The following HEATR5B variants were observed in gnomAD, a reference collection of about 807,000 sequenced individuals.
The protein encoded by HEATR5B is HEAT repeat containing 5B.
In HEATR5B, 156 loss-of-function variants were observed where a neutral mutation model predicts 224.1. That is an observed-to-expected ratio of 0.70 (90% confidence interval 0.61 to 0.80). The LOEUF (loss-of-function observed/expected upper bound fraction) is 0.80. HEATR5B is among the 30% of genes least tolerant of loss of function. The pLI, the probability that HEATR5B is intolerant of heterozygous loss-of-function variation, is 0.00. For missense variants in HEATR5B, 2,323 were observed against 2,535.5 expected, an observed-to-expected ratio of 0.92 and a Z score of 1.80; for synonymous variants, 1,027 against 893.0, an observed-to-expected ratio of 1.15 and a Z score of -2.68.
Position 37,041,303 on chromosome 2 carries a change from G to C in HEATR5B, c.2697-11C>G. 4.3e-6 allele frequency: 7 copies of C among 1,612,676 alleles called. No homozygotes were observed. The highest frequency in any genetic ancestry group is 5.1e-6 in the Non-Finnish European group (6 of 1,179,034). On this transcript the variant is annotated splice_polypyrimidine_tract_variant and intron_variant, in intron 18 of 35. Transcript: ENST00000233099. ...CGAGCCGATTTCAACCTGAAAAAAAGATTATGCTTCAAGCACTAACTTTGC... is the reference window on the plus strand; with the variant it reads ...CGAGCCGATTTCAACCTGAAAAAAACATTATGCTTCAAGCACTAACTTTGC...
chr2:37,060,843 T>A, intron 11 of HEATR5B, 110 bp from the exon 12 acceptor site: 1 of 765,334 alleles, frequency 1.3e-6, no homozygotes, highest in Non-Finnish European at 2.1e-6. Context: ...GAGATGAAAA[T>A]AGAGTAAAAT....
chr2:37,063,033 A>C (rs868039069), intron 10 of HEATR5B, among the ~76,000 whole-genome samples: 1 of 152,168 alleles, frequency 6.6e-6, no homozygotes, highest in African/African-American at 2.4e-5. Flanking sequence ...CTTCTGACCT[A>C]AAGTGATCCT....
intron 26 of HEATR5B, 44 bp from the exon 27 acceptor site, chr2:37,014,064 T>C (rs1325121797): frequency 8.6e-7 from 1 of 1,163,678 alleles, no homozygotes; most frequent in Non-Finnish European, 1.2e-6. Flanking sequence ...AAAAAATTAA[T>C]GCTGTATAAG....
chr2:37,000,482 G>T, intron 33 of HEATR5B, 104 bp downstream of exon 33: 2 of 814,352 alleles, frequency 2.5e-6, no homozygotes, highest in South Asian at 1.6e-5. Context: ...TCTCTGAGAT[G>T]ATTCATTGTT....
chr2:37,083,588 T>C (rs1437022211), intron 1 of HEATR5B, among the ~76,000 whole-genome samples, 152 bp from the exon 2 acceptor site: 2 of 152,164 alleles, frequency 1.3e-5, no homozygotes, highest in Non-Finnish European at 2.9e-5. Context: ...AACATACTTT[T>C]AAATGACAAA....
chr2:37,013,801 G>A, intron 27 of HEATR5B, 40 bp downstream of exon 27: 1 of 1,475,650 alleles, frequency 6.8e-7, no homozygotes, highest in Non-Finnish European at 9.1e-7. Flanking sequence ...CATGGATGAA[G>A]AAATGGGTCA....
At chr2:37,046,867 T>C (rs1243598655) in intron 18 of HEATR5B, among the ~76,000 whole-genome samples, 2 of 151,208 alleles carry the variant, frequency 1.3e-5, no homozygotes, top group East Asian at 3.9e-4. Flanking sequence ...CTGGCCAACA[T>C]GGTGAAACGT....
At chr2:37,006,186 T>A (rs190932775) in intron 29 of HEATR5B, among the ~76,000 whole-genome samples, 1 of 152,324 alleles carries the variant, frequency 6.6e-6, no homozygotes, top group Non-Finnish European at 1.5e-5. Flanking sequence ...AACAACTGCT[T>A]TTAATTTACA....
In HEATR5B at chr2:37,056,132, T is replaced by G. The variant is rs572883430; in HGVS notation, c.2399+308A>C. Among the ~76,000 whole-genome samples the G allele has an allele frequency of 1.9e-3, 289 of 152,318 alleles. 10 individuals carry two copies. In the South Asian group the frequency reaches 0.056, roughly 29 times the overall value. ...AAACAAACTATTATAATGCATTTTT[T>G]TTTTTGCCAACAGTTGTCATTCTAG... On this transcript the variant is annotated intron_variant, in intron 16 of 35. Coordinates refer to ENST00000233099, the MANE Select transcript of HEATR5B (RefSeq NM_019024.3).
At chr2:37,076,834 A>C in intron 4 of HEATR5B, 77 bp downstream of exon 4, 1 of 1,106,464 alleles carries the variant, frequency 9.0e-7, no homozygotes, top group Non-Finnish European at 1.4e-6. Flanking sequence ...TGACAGAAAA[A>C]GAAACAAACA....
chr2:37,076,285 A>AC (rs1419561052), intron 4 of HEATR5B: 37 of 152,442 alleles, frequency 2.4e-4, no homozygotes, highest in African/African-American at 8.7e-4. Flanking sequence ...ATGAATAGAC[A>AC]AATAGTTCCC....
At chr2:37,009,188 G>A (rs1430010077) in intron 27 of HEATR5B, among the ~76,000 whole-genome samples, 3 of 149,654 alleles carry the variant, frequency 2.0e-5, no homozygotes, top group Non-Finnish European at 3.0e-5. Flanking sequence ...AACCAGGGAG[G>A]CGGAGGTTGC....
At chr2:37,005,236 C>G (rs781728585) in intron 30 of HEATR5B, among the ~76,000 whole-genome samples, 1 of 152,158 alleles carries the variant, frequency 6.6e-6, no homozygotes, top group African/African-American at 2.4e-5. Flanking sequence ...GAGGAAAACC[C>G]GTCCCGCATG....
chr2:37,047,415 G>T (rs565039857), intron 18 of HEATR5B, among the ~76,000 whole-genome samples: 1 of 152,144 alleles, frequency 6.6e-6, no homozygotes, highest in African/African-American at 2.4e-5. Context: ...AGTTACCTTT[G>T]TGTTATTATT....
chr2:36,990,673 T>A lies in HEATR5B; in HGVS notation c.5672A>T (p.Asn1891Ile). 1 of 1,600,970 alleles carries A rather than the reference T, an allele frequency of 6.2e-7. No homozygotes were observed. Among genetic ancestry groups the A allele is most frequent in the Non-Finnish European group, 8.5e-7 (1 of 1,173,830 alleles). ...LQNGCMNRFK[N>I]ALNSCDPWVQ... ...CCATGGGTCGCATGAATTTAATGCA[T>A]TTTTAAATCTGTTCATGCAGCCATT... is the stretch of plus-strand genomic sequence containing the variant. The change falls in exon 34 of 36, where the codon AAT (asparagine) becomes ATT (isoleucine). Residue 1891 changes from asparagine to isoleucine, a missense_variant. Asn to Ile is a moderately radical substitution (Grantham distance 149). Around this residue, in one of 12 missense-constraint regions of HEATR5B, gnomAD observed 844 missense variants for 812.9 expected, o/e 1.04. Transcript: ENST00000233099.
chr2:37,020,682 A>T lies in HEATR5B; in HGVS notation c.4008T>A (p.His1336Gln). Reference sequence around the variant, plus strand: ...TAGCCTGATACTGCTCCAGTATCACATGACCTGGAAATTCTGGCTCAGGCA... The same window carrying T: ...TAGCCTGATACTGCTCCAGTATCACTTGACCTGGAAATTCTGGCTCAGGCA... ...ASVPEPEFPG[H>Q]VILEQYQANV... The change falls in exon 25 of 36, where the codon CAT becomes CAA. Residue 1336 changes from histidine to glutamine, a missense_variant. This residue lies in a region of HEATR5B where 339 missense variants were observed against 378.4 expected (regional missense o/e 0.90). Coordinates refer to ENST00000233099, the MANE Select transcript of HEATR5B (RefSeq NM_019024.3). 1.3e-6 allele frequency: 2 copies of T among 1,590,010 alleles called. No individual in the cohort carries two copies. Among genetic ancestry groups the T allele is most frequent in the Non-Finnish European group, 1.7e-6 (2 of 1,174,172 alleles).
intron 24 of HEATR5B, among the ~76,000 whole-genome samples, chr2:37,027,444 T>A (rs1193730776): frequency 2.0e-5 from 3 of 152,194 alleles, no homozygotes; most frequent in Non-Finnish European, 4.4e-5. Context: ...GTTTCCATAA[T>A]AAACAATTTT....
chr2:37,082,052 CTTTTTTTTTTTTTTTTT>C lies in HEATR5B; in HGVS notation c.126+1220_126+1236del, dbSNP rs61036576. 1.8e-3 allele frequency among the ~76,000 whole-genome samples: 44 copies of C among 23,962 alleles called. 1 individual carries two copies. In the East Asian group the frequency reaches 0.053, roughly 29 times the overall value. 15.7% of individuals were successfully genotyped at this position (23,962 alleles called of 152,430 possible). On this transcript the variant is annotated intron_variant, in intron 2 of 35. Coordinates refer to ENST00000233099, the MANE Select transcript of HEATR5B (RefSeq NM_019024.3). The stretch of plus-strand genomic sequence containing the variant: ...ATCAGACATTTGAGGGAAGTATCTA[CTTTTTTTTTTTTTTTTT>C]TTTTTTTTTTTTTTTTTCAGATGGA...
intron 33 of HEATR5B, among the ~76,000 whole-genome samples, chr2:36,997,427 G>A (rs10185540): frequency 0.16 from 24,246 of 152,020 alleles, 2,135 homozygotes; most frequent in African/African-American, 0.18. Flanking sequence ...CTGCTCAAGC[G>A]ATCTACCTGT....
Sources: allele counts gnomAD v4.1 joint callset (sites outside exome capture counted in the v4.1 genomes callset), GRCh38; gene constraint gnomAD v4.1.1; regional missense constraint gnomAD v4.1.1; transcripts MANE v1.5; gene names NCBI Gene and HGNC (gene_info 2026-07-23, HGNC 2026-07-21).